The following EXD3 variants were observed in gnomAD, a reference collection of about 807,000 sequenced individuals.
The protein encoded by EXD3 is exonuclease mut-7 homolog.
EXD3 carries 92 observed loss-of-function variants against 98.0 expected under a neutral mutation model. The ratio of observed to expected loss-of-function variants is 0.94; its 90% CI spans 0.79 to 1.12. The LOEUF (loss-of-function observed/expected upper bound fraction) is 1.12, where lower values mean the gene tolerates loss of function less well. EXD3 is among the 50% of genes most tolerant of loss of function. The pLI, the probability that EXD3 is intolerant of heterozygous loss-of-function variation, is 0.00. For missense variants in EXD3, 1,222 were observed against 1,191.6 expected, an observed-to-expected ratio of 1.03 and a Z score of -0.38; for synonymous variants, 569 against 526.0, an observed-to-expected ratio of 1.08 and a Z score of -1.12.
chr9:137,399,044 A>G (rs1837363178), intron 1 of EXD3, among the ~76,000 whole-genome samples: 1 of 151,718 alleles, frequency 6.6e-6, no homozygotes, highest in Non-Finnish European at 1.5e-5. Context: ...CGTGACATAC[A>G]CAGACTGTCC....
intron 3 of EXD3, among the ~76,000 whole-genome samples, chr9:137,381,406 A>G (rs1588392212): frequency 8.6e-6 from 1 of 115,850 alleles, no homozygotes; most frequent in South Asian, 2.6e-4. Context: ...ACAGAACAAG[A>G]CTCCTTCTCA....
Position 137,347,252 on chromosome 9 carries a change from C to T in EXD3, c.1998+819G>A, listed in dbSNP as rs73581547. ...ATGGCTGAAATCACAGTGTTCGCGA[C>T]GGCAGGCTCCTCTTAGGAGACTCCG... On this transcript the variant is annotated intron_variant, in intron 17 of 21. Transcript: ENST00000340951. This position sits in a 1 kb window ranked among gnomAD's most constrained non-coding sequence, Gnocchi z 4.2. 0.043 allele frequency among the ~76,000 whole-genome samples: 6,557 copies of T among 152,256 alleles called. 165 individuals are homozygous for T. Among genetic ancestry groups the T allele is most frequent in the Admixed American group, 0.073 (1,109 of 15,286 alleles).
intron 1 of EXD3, among the ~76,000 whole-genome samples, chr9:137,416,073 C>T (rs1429894914): frequency 6.6e-6 from 1 of 152,218 alleles, no homozygotes; most frequent in Non-Finnish European, 1.5e-5. Flanking sequence ...AAGGTTAAAA[C>T]TAGGATGGGA....
chr9:137,411,384 C>A (rs954223435), intron 1 of EXD3, among the ~76,000 whole-genome samples: 2 of 152,024 alleles, frequency 1.3e-5, no homozygotes, highest in Non-Finnish European at 2.9e-5. Context: ...CAGCCCTGCT[C>A]CTCGGTTTCC....
At chr9:137,352,493 T>C in intron 11 of EXD3, 127 bp downstream of exon 11, 2 of 1,044,240 alleles carry the variant, frequency 1.9e-6, no homozygotes, top group East Asian at 2.6e-5. Flanking sequence ...ATAGCTGCGC[T>C]CTTTGTTTTG....
intron 1 of EXD3, among the ~76,000 whole-genome samples, chr9:137,419,973 T>A (rs150587867): frequency 4.6e-5 from 7 of 151,996 alleles, no homozygotes; most frequent in South Asian, 2.1e-4. Context: ...TCCTGGCTAA[T>A]ACGGTGAAAC....
intron 14 of EXD3, 81 bp downstream of exon 14, chr9:137,350,957 G>T: frequency 1.8e-6 from 2 of 1,138,010 alleles, no homozygotes; most frequent in South Asian, 1.4e-5. Flanking sequence ...CAGGGCCGCT[G>T]GGAAGGTGTG....
chr9:137,352,578 G>C, intron 11 of EXD3, 42 bp downstream of exon 11: 1 of 1,497,476 alleles, frequency 6.7e-7, no homozygotes, highest in Non-Finnish European at 8.9e-7. Flanking sequence ...GCCACCCTGG[G>C]CGGAACCCAC....
intron 1 of EXD3, among the ~76,000 whole-genome samples, chr9:137,416,721 G>T (rs1480459018): frequency 6.6e-6 from 1 of 152,194 alleles, no homozygotes; most frequent in Non-Finnish European, 1.5e-5. Context: ...GGCACCAGGC[G>T]GTTCCAGGAC....
At chr9:137,400,764 C>CA (rs556834772) in intron 1 of EXD3, among the ~76,000 whole-genome samples, 3,220 of 127,840 alleles carry the variant, frequency 0.025, 56 homozygotes, top group Non-Finnish European at 0.036. Flanking sequence ...GACTCCATCT[C>CA]AAAAAAAAAA....
intron 1 of EXD3, among the ~76,000 whole-genome samples, chr9:137,418,854 T>C (rs889428739): frequency 4.6e-5 from 7 of 152,126 alleles, no homozygotes; most frequent in African/African-American, 1.7e-4. Context: ...GGAAACTAAG[T>C]CTCCTCTCTG....
chr9:137,372,281 C>T (rs561922714), intron 5 of EXD3, among the ~76,000 whole-genome samples: 1 of 152,340 alleles, frequency 6.6e-6, no homozygotes, highest in East Asian at 1.9e-4. Flanking sequence ...GCGACTGGTG[C>T]CCTGGCCCTG....
chr9:137,343,139 G>T (rs13295615), intron 17 of EXD3: 3,205 of 152,316 alleles, frequency 0.021, 71 homozygotes, highest in Non-Finnish European at 0.029. Flanking sequence ...AACAAAAAAA[G>T]AATCAGAGAA....
chr9:137,345,153 A>G (rs1197377942), intron 17 of EXD3, among the ~76,000 whole-genome samples: 3 of 152,290 alleles, frequency 2.0e-5, no homozygotes, highest in African/African-American at 7.2e-5. Context: ...TGGATGTGAC[A>G]GGCACTTTGC....
In EXD3 at chr9:137,349,542, A is replaced by G; in HGVS notation, c.1495-11T>C. 6.4e-7 allele frequency: 1 copy of G among 1,562,914 alleles called. No individual in the cohort carries two copies. The highest frequency in any genetic ancestry group is 8.7e-7 in the Non-Finnish European group (1 of 1,155,236). Reference sequence around the variant, plus strand: ...GCTCGCCACCCGCATCTGCTAAGACAGTGCCCTGCAGGGTAACGCGTCTGG... The same window carrying G: ...GCTCGCCACCCGCATCTGCTAAGACGGTGCCCTGCAGGGTAACGCGTCTGG... On this transcript the variant is annotated splice_polypyrimidine_tract_variant and intron_variant, in intron 14 of 21. Coordinates refer to ENST00000340951, the MANE Select transcript of EXD3 (RefSeq NM_017820.5). The surrounding 1 kb of genome is among the most constrained non-coding windows in gnomAD (Gnocchi z 7.4).
At position 137,393,093 on chromosome 9, in the gene EXD3, G is replaced by A; in HGVS notation, c.55+2210C>T. 1 of 693,258 alleles carries A rather than the reference G, an allele frequency of 1.4e-6. No individual in the cohort carries two copies. The highest frequency in any genetic ancestry group is 2.6e-6 in the Non-Finnish European group (1 of 381,940). The allele number at this position is 693,258 out of a possible 1,614,324, so 42.9% of individuals were successfully genotyped here. Reference sequence around the variant, plus strand: ...GGCACCGAGGCTGTTCTCGGTGGGGGTGCCGTGTCTGTTCCAGGGAGGGCC... The same window carrying A: ...GGCACCGAGGCTGTTCTCGGTGGGGATGCCGTGTCTGTTCCAGGGAGGGCC... On this transcript the variant is annotated intron_variant, in intron 2 of 21. Transcript: ENST00000340951. This position sits in a 1 kb window ranked among gnomAD's most constrained non-coding sequence, Gnocchi z 4.6.
rs770003983 is a variant in EXD3, at chr9:137,347,145, T to C, written c.1998+926A>G. 6.6e-6 allele frequency among the ~76,000 whole-genome samples: 1 copy of C among 152,166 alleles called. No individual in the cohort carries two copies. The highest frequency in any genetic ancestry group is 6.6e-5 in the Admixed American group (1 of 15,264). On this transcript the variant is annotated intron_variant, in intron 17 of 21. Transcript: ENST00000340951. The surrounding 1 kb of genome is among the most constrained non-coding windows in gnomAD (Gnocchi z 4.2). ...TTCTAATGCTGCTGTCACAATTTAC[T>C]AAAAGCTTAGCAGCTTACAACATAG...
intron 1 of EXD3, among the ~76,000 whole-genome samples, chr9:137,419,569 TGAGACAG>T (rs1014432850): frequency 6.6e-6 from 1 of 151,624 alleles, no homozygotes; most frequent in Non-Finnish European, 1.5e-5. Flanking sequence ...CTTGGGAGGC[TGAGACAG>T]GAGAATCGCT....
At chr9:137,315,137 G>A (rs528682981) in intron 19 of EXD3, among the ~76,000 whole-genome samples, 1 of 152,208 alleles carries the variant, frequency 6.6e-6, no homozygotes, top group Non-Finnish European at 1.5e-5. Context: ...GCAGGGTGGG[G>A]GCTAGCGCCT....
Sources: gnomAD v4.1 joint callset for allele counts (sites outside exome capture counted in the v4.1 genomes callset) on GRCh38, gnomAD v4.1.1 for gene constraint, Gnocchi (gnomAD v3.1) non-coding constraint, MANE v1.5 for transcripts, NCBI Gene and HGNC (gene_info 2026-07-23, HGNC 2026-07-21) for gene names.